The following CSMD1 variants were observed in gnomAD, a reference collection of about 807,000 sequenced individuals.
The protein encoded by CSMD1 is CUB and sushi domain-containing protein 1.
In CSMD1, 213 loss-of-function variants were observed where a neutral mutation model predicts 417.5. That is an observed-to-expected ratio of 0.51 (90% CI 0.46 to 0.57). CSMD1 has a LOEUF of 0.57. CSMD1 is among the 20% of genes least tolerant of loss of function. The probability of loss-of-function intolerance (pLI) is 0.00; values close to 1 mark genes in which losing one functional copy is unlikely to be tolerated. For synonymous variants in CSMD1, 2,862 were observed against 1,736.8 expected, an observed-to-expected ratio of 1.65 and a Z score of -16.11; for missense variants, 6,923 against 4,529.7, an observed-to-expected ratio of 1.53 and a Z score of -15.17.
chr8:3,872,969 T>C (rs1805580150), intron 5 of CSMD1, among the ~76,000 whole-genome samples: 1 of 151,824 alleles, frequency 6.6e-6, no homozygotes, highest in Non-Finnish European at 1.5e-5. Context: ...ACATCACTGA[T>C]CATTAGAGAA....
At chr8:3,334,824 A>T (rs1253565000) in intron 23 of CSMD1, among the ~76,000 whole-genome samples, 1 of 151,886 alleles carries the variant, frequency 6.6e-6, no homozygotes, top group East Asian at 2.0e-4. Context: ...ACTGAGTATG[A>T]CCAGGCAGTC....
At chr8:4,853,194 T>A (rs542605928) in intron 1 of CSMD1, among the ~76,000 whole-genome samples, 2 of 152,202 alleles carry the variant, frequency 1.3e-5, no homozygotes, top group Non-Finnish European at 2.9e-5. Flanking sequence ...CAGGTGCTGC[T>A]AGCCAAGACA....
At chr8:4,140,834 G>A (rs1269253420) in intron 3 of CSMD1, among the ~76,000 whole-genome samples, 1 of 150,892 alleles carries the variant, frequency 6.6e-6, no homozygotes, top group Non-Finnish European at 1.5e-5. Context: ...CCTCACTCCA[G>A]GTTTCAAATC....
intron 2 of CSMD1, among the ~76,000 whole-genome samples, chr8:4,516,415 G>C (rs1410361954): frequency 6.6e-6 from 1 of 152,156 alleles, no homozygotes; most frequent in Non-Finnish European, 1.5e-5. Context: ...CCAAGCTGCT[G>C]GTGTCCATGG....
chr8:3,954,888 G>C (rs1811836268), intron 5 of CSMD1, among the ~76,000 whole-genome samples: 1 of 152,148 alleles, frequency 6.6e-6, no homozygotes, highest in African/African-American at 2.4e-5. Context: ...CTGGTGGAGG[G>C]TACGTGGAAA....
At chr8:3,972,055 G>C (rs1329672884) in intron 5 of CSMD1, among the ~76,000 whole-genome samples, 1 of 151,942 alleles carries the variant, frequency 6.6e-6, no homozygotes, top group Non-Finnish European at 1.5e-5. Flanking sequence ...ATTTTTCATA[G>C]AGACAGGGGC....
chr8:3,935,858 A>T (rs1018637820), intron 5 of CSMD1, among the ~76,000 whole-genome samples: 19 of 152,210 alleles, frequency 1.2e-4, no homozygotes, highest in African/African-American at 4.1e-4. Flanking sequence ...CAAAAGCTAG[A>T]AATCATTGGC....
At chr8:4,611,117 G>C (rs955404824) in intron 2 of CSMD1, among the ~76,000 whole-genome samples, 7 of 151,908 alleles carry the variant, frequency 4.6e-5, no homozygotes, top group Non-Finnish European at 1.0e-4. Flanking sequence ...TCTCCACAGA[G>C]ATAATGGCTG....
rs115124797 is a variant in CSMD1, at chr8:4,743,550, G to A, written c.86-105992C>T. On this transcript the variant is annotated intron_variant, in intron 1 of 69. Coordinates refer to ENST00000635120, the MANE Select transcript of CSMD1 (RefSeq NM_033225.6). Reference sequence around the variant, plus strand: ...TGTTCTTTCCAAGCCAGAGTCAACCGTCATTAACCACAGAGAGTGGCTATC... The same window carrying A: ...TGTTCTTTCCAAGCCAGAGTCAACCATCATTAACCACAGAGAGTGGCTATC... Among the ~76,000 whole-genome samples, 539 of 152,206 alleles carry A rather than the reference G, an allele frequency of 3.5e-3. 1 individual carries two copies. Among genetic ancestry groups the A allele is most frequent in the African/African-American group, 0.012 (512 of 41,542 alleles).
chr8:4,240,359 A>C (rs1168281663), intron 3 of CSMD1, among the ~76,000 whole-genome samples: 1 of 152,132 alleles, frequency 6.6e-6, no homozygotes, highest in Non-Finnish European at 1.5e-5. Flanking sequence ...AAACTCCTGC[A>C]TTCTGGCTAT....
intron 1 of CSMD1, among the ~76,000 whole-genome samples, chr8:4,955,943 G>A (rs971992683): frequency 1.3e-5 from 2 of 152,198 alleles, no homozygotes; most frequent in Non-Finnish European, 2.9e-5. Flanking sequence ...TCAGATGAAT[G>A]GCTGAGTTTG....
chr8:3,304,124 C>A (rs1309569250), intron 25 of CSMD1, among the ~76,000 whole-genome samples: 1 of 151,946 alleles, frequency 6.6e-6, no homozygotes, highest in Non-Finnish European at 1.5e-5. Flanking sequence ...TTTATTCATT[C>A]CTTGAGAGTG....
At chr8:3,157,628 C>G (rs1379684033) in intron 39 of CSMD1, among the ~76,000 whole-genome samples, 2 of 152,178 alleles carry the variant, frequency 1.3e-5, no homozygotes, top group African/African-American at 4.8e-5. Context: ...ACACACATGT[C>G]GTTTTGGTGC....
At chr8:3,240,972 A>G (rs566379231) in intron 26 of CSMD1, among the ~76,000 whole-genome samples, 62 of 151,704 alleles carry the variant, frequency 4.1e-4, no homozygotes, top group East Asian at 7.8e-4. Context: ...GGCATTGAGC[A>G]GGGTAAGGGT....
chr8:3,623,345 C>G (rs944640197), intron 7 of CSMD1, among the ~76,000 whole-genome samples: 1 of 152,156 alleles, frequency 6.6e-6, no homozygotes, highest in African/African-American at 2.4e-5. Flanking sequence ...AATTAAAACT[C>G]AACATGAATT....
intron 40 of CSMD1, among the ~76,000 whole-genome samples, chr8:3,149,173 T>C (rs1426715550): frequency 6.6e-6 from 1 of 152,212 alleles, no homozygotes; most frequent in East Asian, 1.9e-4. Flanking sequence ...TTTTCCCAAA[T>C]TATTCTCTCG....
At chr8:4,410,420 A>G (rs1019972431) in intron 3 of CSMD1, among the ~76,000 whole-genome samples, 2 of 152,158 alleles carry the variant, frequency 1.3e-5, no homozygotes, top group African/African-American at 4.8e-5. Flanking sequence ...ATTTTCCCTA[A>G]CACTTTGCAT....
intron 3 of CSMD1, among the ~76,000 whole-genome samples, chr8:4,315,601 T>C (rs1798875222): frequency 6.6e-6 from 1 of 152,156 alleles, no homozygotes. Flanking sequence ...CCAGATATTA[T>C]GAATAAAGTA....
Position 3,544,758 on chromosome 8 carries a change from G to C in CSMD1, c.1344+30187C>G, listed in dbSNP as rs111231156. 5.1e-3 allele frequency among the ~76,000 whole-genome samples: 778 copies of C among 152,138 alleles called. 7 individuals carry two copies. Among genetic ancestry groups the C allele is most frequent in the African/African-American group, 0.018 (742 of 41,494 alleles). On this transcript the variant is annotated intron_variant, in intron 10 of 69. Coordinates refer to ENST00000635120, the MANE Select transcript of CSMD1 (RefSeq NM_033225.6). ...GGATGCTGGGTGGAGACAGGGAATGGAGCCAAATCTTAGAAATGTTGTTTG... is the reference window on the plus strand; with the variant it reads ...GGATGCTGGGTGGAGACAGGGAATGCAGCCAAATCTTAGAAATGTTGTTTG...
Sources: allele counts gnomAD v4.1 joint callset (sites outside exome capture counted in the v4.1 genomes callset), GRCh38; gene constraint gnomAD v4.1.1; transcripts MANE v1.5; gene names NCBI Gene and HGNC (gene_info 2026-07-23, HGNC 2026-07-21).